The following CYP27A1 variants were observed in gnomAD, a reference collection of about 807,000 sequenced individuals.
The protein encoded by CYP27A1 is cytochrome P450 family 27 subfamily A member 1, also known as sterol 26-hydroxylase, mitochondrial.
CYP27A1 carries 46 observed loss-of-function variants against 58.2 expected under a neutral mutation model. The observed-to-expected ratio is 0.79, with a 90% CI of 0.62 to 1.01. The LOEUF is 1.01. Among genes scored for constraint, CYP27A1 ranks in the 50% least tolerant of loss-of-function variants. CYP27A1 has a pLI of 0.00. For synonymous variants in CYP27A1, 274 were observed against 285.1 expected, an observed-to-expected ratio of 0.96 and a Z score of 0.39; for missense variants, 704 against 687.0, an observed-to-expected ratio of 1.02 and a Z score of -0.28.
intron 1 of CYP27A1, among the ~76,000 whole-genome samples, chr2:218,799,057 A>G (rs1362675257): frequency 6.6e-6 from 1 of 152,198 alleles, no homozygotes; most frequent in Non-Finnish European, 1.5e-5. Context: ...TTCAGATTCA[A>G]GATTGGATTA....
Position 218,782,601 on chromosome 2 carries a change from G to A in CYP27A1, c.255+164G>A, listed in dbSNP as rs930073092. ...GAAATCAGTAGGGAGAATGGGCAAA[G>A]TGCAGACAGAGCCCTTTGAGCTGAG... is the stretch of plus-strand genomic sequence containing the variant. On this transcript the variant is annotated intron_variant, in intron 1 of 8. Transcript: ENST00000258415. This position sits in a 1 kb window ranked among gnomAD's most constrained non-coding sequence, Gnocchi z 4.1. Among the ~76,000 whole-genome samples the A allele has an allele frequency of 3.3e-5, 5 of 152,162 alleles. No individual in the cohort carries two copies. Among genetic ancestry groups the A allele is most frequent in the Non-Finnish European group, 7.3e-5 (5 of 68,036 alleles).
At chr2:218,783,680 C>G (rs551096942) in intron 1 of CYP27A1, among the ~76,000 whole-genome samples, 19 of 152,094 alleles carry the variant, frequency 1.2e-4, no homozygotes, top group Non-Finnish European at 1.0e-4. Context: ...GGGGGAGAAG[C>G]TGTTCTAAGG....
At chr2:218,792,513 TA>T (rs1421188384) in intron 1 of CYP27A1, among the ~76,000 whole-genome samples, 2 of 152,176 alleles carry the variant, frequency 1.3e-5, no homozygotes, top group Non-Finnish European at 2.9e-5. Context: ...TATAACCTTT[TA>T]AAATAATTCA....
intron 1 of CYP27A1, among the ~76,000 whole-genome samples, chr2:218,802,575 A>C (rs1943610004): frequency 6.6e-6 from 1 of 152,244 alleles, no homozygotes; most frequent in African/African-American, 2.4e-5. Flanking sequence ...AAGGCTGCTT[A>C]CTACGAGTTT....
In CYP27A1 at chr2:218,814,375, T is replaced by C. The variant is rs2105981044; in HGVS notation, c.1185-5T>C. On this transcript the variant is annotated splice_region_variant and splice_polypyrimidine_tract_variant and intron_variant, in intron 6 of 8. Transcript: ENST00000258415. ...AGCAGACTCCAGACATTCTTTTCCC[T>C]GCAGTCTCTACCCTGTGGTCCCCAC... The C allele has an allele frequency of 6.2e-7, 1 of 1,613,964 alleles. No homozygotes were observed. Among genetic ancestry groups the C allele is most frequent in the East Asian group, 2.2e-5 (1 of 44,880 alleles).
chr2:218,803,643 C>G (rs545810531), intron 1 of CYP27A1, among the ~76,000 whole-genome samples: 2 of 149,362 alleles, frequency 1.3e-5, no homozygotes, highest in African/African-American at 4.9e-5. Context: ...AGGATGGTCT[C>G]GATCTCTTGA....
At chr2:218,801,565 T>C (rs1347792991) in intron 1 of CYP27A1, among the ~76,000 whole-genome samples, 5 of 152,076 alleles carry the variant, frequency 3.3e-5, no homozygotes, top group Admixed American at 3.3e-4. Context: ...GCAGAATATA[T>C]ATCACAAAGA....
Position 218,783,262 on chromosome 2 carries a change from AAAAAAAAAAAAAAAG to A in CYP27A1, c.255+833_255+847del, listed in dbSNP as rs1575196280. On this transcript the variant is annotated intron_variant, in intron 1 of 8. Coordinates refer to ENST00000258415, the MANE Select transcript of CYP27A1 (RefSeq NM_000784.4). Reference sequence around the variant, plus strand: ...ACAAGAGCGAAACTCTGTCTCAAAAAAAAAAAAAAAAAAAGAAAAAAAGAAAAAAGAAATCAGCCT... The same window carrying A: ...ACAAGAGCGAAACTCTGTCTCAAAAAAAAAAAAGAAAAAAGAAATCAGCCT... Among the ~76,000 whole-genome samples, 5 of 151,120 alleles carry A rather than the reference AAAAAAAAAAAAAAAG, an allele frequency of 3.3e-5. No individual in the cohort carries two copies. In the South Asian group the frequency reaches 1.0e-3, roughly 32 times the overall value.
intron 1 of CYP27A1, among the ~76,000 whole-genome samples, chr2:218,797,659 A>G (rs920281595): frequency 2.6e-5 from 4 of 152,262 alleles, no homozygotes; most frequent in Non-Finnish European, 4.4e-5. Context: ...TTAGAGGTTT[A>G]GAACACCTGA....
chr2:218,809,230 T>C (rs995303347), intron 1 of CYP27A1, among the ~76,000 whole-genome samples: 1 of 152,138 alleles, frequency 6.6e-6, no homozygotes, highest in Non-Finnish European at 1.5e-5. Context: ...TCAGTTTCCC[T>C]CAAATGCTGG....
chr2:218,812,265 C>T lies in CYP27A1; in HGVS notation c.490C>T (p.Arg164Trp), dbSNP rs61733615. The T allele has an allele frequency of 8.9e-5, 144 of 1,614,026 alleles. 1 individual carries two copies. The highest frequency in any genetic ancestry group is 1.1e-4 in the Non-Finnish European group (130 of 1,180,004). Reference sequence around the variant, plus strand: ...CCAGCTGCGCCAGGCTCTGAACCAGCGGTTGCTGAAGCCAGCGGAAGCAGC... The same window carrying T: ...CCAGCTGCGCCAGGCTCTGAACCAGTGGTTGCTGAAGCCAGCGGAAGCAGC... ...WYQLRQALNQ[R>W]LLKPAEAALY... Residue 164 changes from arginine to tryptophan, a missense_variant, in exon 3 of 9, where the codon CGG (arginine) becomes TGG (tryptophan). Coordinates refer to ENST00000258415, the MANE Select transcript of CYP27A1 (RefSeq NM_000784.4).
At chr2:218,806,407 A>G (rs966252330) in intron 1 of CYP27A1, among the ~76,000 whole-genome samples, 1 of 152,262 alleles carries the variant, frequency 6.6e-6, no homozygotes, top group African/African-American at 2.4e-5. Context: ...TGTGGTAGCC[A>G]CAACTCAGAG....
At chr2:218,813,914 G>A in intron 5 of CYP27A1, 107 bp from the exon 6 acceptor site, 4 of 1,273,584 alleles carry the variant, frequency 3.1e-6, no homozygotes, top group South Asian at 2.5e-5. Flanking sequence ...TAGGCTAGTG[G>A]CAAATTCATT....
chr2:218,801,222 C>T (rs1455049370), intron 1 of CYP27A1, among the ~76,000 whole-genome samples: 4 of 152,150 alleles, frequency 2.6e-5, no homozygotes, highest in Admixed American at 1.3e-4. Context: ...AAAAACAGGG[C>T]CACATGTGGT....
chr2:218,813,653 A>T (rs969855391), intron 5 of CYP27A1, among the ~76,000 whole-genome samples: 1 of 151,152 alleles, frequency 6.6e-6, no homozygotes, highest in African/African-American at 2.4e-5. Context: ...CTAGTCTCGA[A>T]CTCCTGACCT....
intron 1 of CYP27A1, among the ~76,000 whole-genome samples, chr2:218,805,614 C>G (rs1413321163): frequency 1.5e-5 from 1 of 65,658 alleles, no homozygotes; most frequent in Non-Finnish European, 3.3e-5. Flanking sequence ...CTAGGAGGAA[C>G]AGGACATGAG....
intron 1 of CYP27A1, among the ~76,000 whole-genome samples, chr2:218,800,807 C>T (rs1490232155): frequency 2.6e-5 from 4 of 152,094 alleles, no homozygotes; most frequent in African/African-American, 9.7e-5. Flanking sequence ...CCCCATATGT[C>T]ATCTACATAT....
At chr2:218,784,071 G>A (rs886874186) in intron 1 of CYP27A1, among the ~76,000 whole-genome samples, 1 of 152,118 alleles carries the variant, frequency 6.6e-6, no homozygotes, top group Non-Finnish European at 1.5e-5. Context: ...GCAGATCTGA[G>A]CCACACTCCA....
Position 218,812,214 on chromosome 2 carries a change from C to T in CYP27A1, c.447-8C>T, listed in dbSNP as rs781743253. On this transcript the variant is annotated splice_polypyrimidine_tract_variant and splice_region_variant and intron_variant, in intron 2 of 8. Transcript: ENST00000258415. Reference sequence around the variant, plus strand: ...TTATCTTTGTGCTGTTCCTCTGCGTCCCTGCAGGGAAGGACACCACTGGTA... The same window carrying T: ...TTATCTTTGTGCTGTTCCTCTGCGTTCCTGCAGGGAAGGACACCACTGGTA... 6.2e-7 allele frequency: 1 copy of T among 1,613,068 alleles called. No individual in the cohort carries two copies. The highest frequency in any genetic ancestry group is 1.1e-5 in the South Asian group (1 of 91,056).
Sources: allele counts gnomAD v4.1 joint callset (sites outside exome capture counted in the v4.1 genomes callset), GRCh38; gene constraint gnomAD v4.1.1; non-coding constraint Gnocchi (gnomAD v3.1); transcripts MANE v1.5; gene names NCBI Gene and HGNC (gene_info 2026-07-23, HGNC 2026-07-21).